SPTLC3: variants seen among roughly 807,000 people sequenced by gnomAD.
The protein encoded by SPTLC3 is serine palmitoyltransferase 3.
In SPTLC3, 36 loss-of-function variants were observed where a neutral mutation model predicts 59.3. That is an observed-to-expected ratio of 0.61 (90% CI 0.47 to 0.80). The LOEUF (loss-of-function observed/expected upper bound fraction) is 0.80. SPTLC3 is among the 30% of genes least tolerant of loss of function. The pLI, the probability that SPTLC3 is intolerant of heterozygous loss-of-function variation, is 0.00. For synonymous variants in SPTLC3, 257 were observed against 240.8 expected (o/e 1.07, Z -0.62); for missense variants, 625 against 685.1 (o/e 0.91, Z 0.98).
chr20:13,075,157 T>A (rs1433111565), intron 4 of SPTLC3, among the ~76,000 whole-genome samples: 1 of 149,468 alleles, frequency 6.7e-6, no homozygotes, highest in Non-Finnish European at 1.5e-5. Context: ...AAAACCTGTG[T>A]AGGCAACACA....
At chr20:13,157,867 C>G (rs1363152393) in intron 10 of SPTLC3, among the ~76,000 whole-genome samples, 1 of 152,170 alleles carries the variant, frequency 6.6e-6, no homozygotes, top group East Asian at 1.9e-4. Flanking sequence ...ACTGTGGAAG[C>G]ACTTCTTCCA....
chr20:13,011,204 T>C (rs1269628471), intron 1 of SPTLC3, among the ~76,000 whole-genome samples: 3 of 152,190 alleles, frequency 2.0e-5, no homozygotes, highest in Non-Finnish European at 4.4e-5. Context: ...GTCCCCTCCA[T>C]GATGGGAACG....
rs886630588 is a variant in SPTLC3 at position 13,008,998 on chromosome 20, A to G, written c.-270A>G. The G allele has an allele frequency of 1.3e-5, 4 of 319,648 alleles. No homozygotes were observed. The East Asian group carries it at 2.8e-4, about 22-fold the overall frequency. 19.8% of individuals were successfully genotyped at this position (319,648 alleles called of 1,614,324 possible). ...GTCCCCAGAAGGAGCCAGCATGGAC[A>G]ATCTCCTTTACAGTTTCGGAAGCAG... On this transcript the variant is annotated 5_prime_UTR_variant, in exon 1 of 12. Transcript: ENST00000399002.
chr20:13,133,392 C>T (rs1367563390), intron 9 of SPTLC3, among the ~76,000 whole-genome samples: 1 of 152,098 alleles, frequency 6.6e-6, no homozygotes, highest in Non-Finnish European at 1.5e-5. Flanking sequence ...CTTTCCCTCC[C>T]ATCAGACATT....
At chr20:13,099,575 T>A (rs1320482568) in intron 6 of SPTLC3, among the ~76,000 whole-genome samples, 1 of 152,214 alleles carries the variant, frequency 6.6e-6, no homozygotes, top group Admixed American at 6.5e-5. Context: ...CTGCTGCTGT[T>A]GTATTTACAT....
intron 9 of SPTLC3, among the ~76,000 whole-genome samples, chr20:13,144,439 C>G (rs1482486570): frequency 6.6e-6 from 1 of 152,140 alleles, no homozygotes; most frequent in Non-Finnish European, 1.5e-5. Flanking sequence ...TTACTATCAT[C>G]CCCATTTAAC....
At chr20:13,139,836 A>G (rs2038339573) in intron 9 of SPTLC3, among the ~76,000 whole-genome samples, 1 of 152,236 alleles carries the variant, frequency 6.6e-6, no homozygotes, top group Non-Finnish European at 1.5e-5. Flanking sequence ...GAATAGAATA[A>G]AAGTATCTAA....
At chr20:13,021,825 G>C (rs566716981) in intron 1 of SPTLC3, among the ~76,000 whole-genome samples, 1 of 152,130 alleles carries the variant, frequency 6.6e-6, no homozygotes, top group African/African-American at 2.4e-5. Context: ...AACTATCAGA[G>C]TGTCATTTCC....
intron 2 of SPTLC3, among the ~76,000 whole-genome samples, chr20:13,054,861 T>C (rs553606950): frequency 1.3e-4 from 20 of 151,960 alleles, no homozygotes; most frequent in African/African-American, 4.6e-4. Context: ...GGTAAGTTCA[T>C]GGAGAAAAAA....
intron 5 of SPTLC3, among the ~76,000 whole-genome samples, chr20:13,091,991 G>C (rs1989238202): frequency 6.6e-6 from 1 of 152,142 alleles, no homozygotes; most frequent in Non-Finnish European, 1.5e-5. Flanking sequence ...TCTAATGGGG[G>C]AAACAATATG....
intron 1 of SPTLC3, among the ~76,000 whole-genome samples, chr20:13,030,888 G>A (rs966394813): frequency 1.3e-5 from 2 of 151,914 alleles, no homozygotes; most frequent in African/African-American, 2.4e-5. Context: ...TCTGAACTAG[G>A]TCAGATCCCA....
At chr20:13,136,489 A>G (rs983816573) in intron 9 of SPTLC3, among the ~76,000 whole-genome samples, 3 of 151,848 alleles carry the variant, frequency 2.0e-5, no homozygotes, top group Admixed American at 2.0e-4. Flanking sequence ...GGTCCCAGCT[A>G]CTCGGGAGGA....
intron 9 of SPTLC3, among the ~76,000 whole-genome samples, chr20:13,137,652 T>C (rs545739098): frequency 6.6e-6 from 1 of 152,172 alleles, no homozygotes; most frequent in Non-Finnish European, 1.5e-5. Context: ...AAAGCATATA[T>C]TCTGTTCATT....
rs117692868 is a variant in SPTLC3 at position 13,034,379 on chromosome 20, G to A, written c.118-14566G>A. Among the ~76,000 whole-genome samples the A allele has an allele frequency of 7.9e-3, 1,201 of 152,216 alleles. 7 individuals carry two copies. The highest frequency in any genetic ancestry group is 0.012 in the Non-Finnish European group (842 of 68,012). On this transcript the variant is annotated intron_variant, in intron 1 of 11. Transcript: ENST00000399002. The stretch of plus-strand genomic sequence containing the variant: ...AATAAGAAAGATATTGCCACTGACT[G>A]CTACATCCTAGCTTTTGACATGAAA...
Position 13,074,590 on chromosome 20 carries a change from C to A in SPTLC3, c.607+93C>A. 6 of 1,347,538 alleles carry A rather than the reference C, an allele frequency of 4.5e-6. No homozygotes were observed. The South Asian group carries it at 5.5e-5, about 12-fold the overall frequency. The allele number at this position is 1,347,538 out of a possible 1,614,324, so 83.5% of individuals were successfully genotyped here. ...ATCTAGATCATATTTGGACTGTGTC[C>A]CTTAAAAAGGTGTTATAAACTGCAG... On this transcript the variant is annotated intron_variant, in intron 4 of 11. Coordinates refer to ENST00000399002, the MANE Select transcript of SPTLC3 (RefSeq NM_018327.4).
At chr20:13,059,929 A>T (rs1354952847) in intron 2 of SPTLC3, among the ~76,000 whole-genome samples, 3 of 152,072 alleles carry the variant, frequency 2.0e-5, no homozygotes, top group East Asian at 3.9e-4. Flanking sequence ...CACTAGCCTC[A>T]AGATAGCCCT....
intron 6 of SPTLC3, among the ~76,000 whole-genome samples, chr20:13,094,596 T>C (rs1989347613): frequency 6.6e-6 from 1 of 152,178 alleles, no homozygotes; most frequent in African/African-American, 2.4e-5. Flanking sequence ...GAGGAAGAAT[T>C]GTTTCAATTC....
chr20:13,037,890 G>C (rs1468269800), intron 1 of SPTLC3, among the ~76,000 whole-genome samples: 1 of 151,988 alleles, frequency 6.6e-6, no homozygotes, highest in Non-Finnish European at 1.5e-5. Context: ...AGATTCAACG[G>C]TAGAGGAAGA....
At chr20:13,145,203 C>T (rs2038481461) in intron 9 of SPTLC3, among the ~76,000 whole-genome samples, 1 of 152,166 alleles carries the variant, frequency 6.6e-6, no homozygotes, top group African/African-American at 2.4e-5. Flanking sequence ...GTCAAACTAT[C>T]TCTGCAGACA....
Sources: allele counts gnomAD v4.1 joint callset (sites outside exome capture counted in the v4.1 genomes callset), GRCh38; gene constraint gnomAD v4.1.1; transcripts MANE v1.5; gene names NCBI Gene and HGNC (gene_info 2026-07-23, HGNC 2026-07-21).